The following VTI1A variants were observed in gnomAD, a reference collection of about 807,000 sequenced individuals.
The protein encoded by VTI1A is vesicle transport through interaction with t-SNAREs 1A.
Under a neutral mutation model 34.9 loss-of-function variants are expected in VTI1A, and 22 were observed. The observed-to-expected ratio is 0.63, with a 90% CI of 0.45 to 0.90. The LOEUF is 0.90. VTI1A is among the 40% of genes least tolerant of loss of function. The probability of loss-of-function intolerance (pLI) is 0.00; values close to 1 mark genes in which losing one functional copy is unlikely to be tolerated. For missense variants in VTI1A, 268 were observed against 275.6 expected (o/e 0.97, Z 0.20); for synonymous variants, 87 against 97.3 (o/e 0.89, Z 0.62).
intron 3 of VTI1A, among the ~76,000 whole-genome samples, chr10:112,503,825 T>G (rs1451715098): frequency 6.6e-6 from 1 of 152,210 alleles, no homozygotes; most frequent in African/African-American, 2.4e-5. Flanking sequence ...TGCATATATG[T>G]ATGATGTCAT....
intron 7 of VTI1A, among the ~76,000 whole-genome samples, chr10:112,762,159 C>T (rs1590162481): frequency 6.6e-6 from 1 of 152,114 alleles, no homozygotes; most frequent in Non-Finnish European, 1.5e-5. Context: ...ACTGGCATCG[C>T]GGTTACTTCA....
At chr10:112,691,285 A>G (rs1042165379) in intron 7 of VTI1A, among the ~76,000 whole-genome samples, 2 of 151,408 alleles carry the variant, frequency 1.3e-5, no homozygotes, top group Admixed American at 6.6e-5. Flanking sequence ...AAATAAATAA[A>G]TAAATAAATA....
At chr10:112,795,816 C>T (rs1852654493) in intron 7 of VTI1A, among the ~76,000 whole-genome samples, 1 of 151,926 alleles carries the variant, frequency 6.6e-6, no homozygotes, top group Non-Finnish European at 1.5e-5. Context: ...TTTAGTTTAG[C>T]ATTATTTTAA....
chr10:112,808,054 C>CA (rs1240450370), intron 7 of VTI1A, among the ~76,000 whole-genome samples: 1 of 151,050 alleles, frequency 6.6e-6, no homozygotes, highest in Non-Finnish European at 1.5e-5. Context: ...CCTGTCTTTA[C>CA]AAAAAATTTA....
At chr10:112,711,010 A>C (rs1330077125) in intron 7 of VTI1A, among the ~76,000 whole-genome samples, 2 of 152,248 alleles carry the variant, frequency 1.3e-5, no homozygotes, top group Non-Finnish European at 2.9e-5. Flanking sequence ...GAGAAGCTGA[A>C]TAGTAATAAC....
intron 7 of VTI1A, among the ~76,000 whole-genome samples, chr10:112,774,904 C>G (rs1851914953): frequency 6.6e-6 from 1 of 152,144 alleles, no homozygotes; most frequent in African/African-American, 2.4e-5. Flanking sequence ...TTTGTGTTCA[C>G]AGGAGTGTGT....
chr10:112,631,902 G>A (rs531715837), intron 5 of VTI1A, among the ~76,000 whole-genome samples: 9 of 152,166 alleles, frequency 5.9e-5, no homozygotes, highest in African/African-American at 1.7e-4. Flanking sequence ...CTTTTATTTC[G>A]CCTATTTTTG....
At chr10:112,653,435 G>A (rs1440370372) in intron 5 of VTI1A, among the ~76,000 whole-genome samples, 2 of 152,122 alleles carry the variant, frequency 1.3e-5, no homozygotes, top group East Asian at 1.9e-4. Flanking sequence ...TGCCCATGAC[G>A]TCGGCCACCT....
At chr10:112,746,223 C>T (rs972040198) in intron 7 of VTI1A, among the ~76,000 whole-genome samples, 2 of 152,212 alleles carry the variant, frequency 1.3e-5, no homozygotes, top group African/African-American at 2.4e-5. Flanking sequence ...CTCTACTCCA[C>T]CCATGTTTTA....
In VTI1A at chr10:112,744,548, G is replaced by A. The variant is rs576271535; in HGVS notation, c.561-70742G>A. Among the ~76,000 whole-genome samples the A allele has an allele frequency of 4.8e-5, 7 of 147,366 alleles. No homozygotes were observed. In the South Asian group the frequency reaches 1.1e-3, roughly 22 times the overall value. ...TAGCCTTGGCCTCTCAGGCTCAAGC[G>A]ATCTTCCCACCTCAGCCTCCCAAGT... On this transcript the variant is annotated intron_variant, in intron 7 of 7. Transcript: ENST00000393077.
At chr10:112,502,088 C>T (rs949731236) in intron 3 of VTI1A, among the ~76,000 whole-genome samples, 10 of 146,114 alleles carry the variant, frequency 6.8e-5, no homozygotes, top group African/African-American at 2.0e-4. Context: ...AGTGCAGTGG[C>T]ATGGTCACGG....
chr10:112,736,111 G>GTATATATATATATATATATATATATATA (rs372188173), intron 7 of VTI1A, among the ~76,000 whole-genome samples: 2 of 116,224 alleles, frequency 1.7e-5, no homozygotes, highest in African/African-American at 7.5e-5. Flanking sequence ...ATGTGTGTGT[G>GTATATATATATATATATATATATATATA]TATATATATA....
At chr10:112,853,559 G>C in the VTI1A span, among the ~76,000 whole-genome samples, 1 of 152,132 alleles carries the variant, frequency 6.6e-6, no homozygotes, top group Admixed American at 6.5e-5. Context: ...GTAATGGACT[G>C]TACCCACATT....
chr10:112,589,204 T>C (rs1251152532), intron 5 of VTI1A, among the ~76,000 whole-genome samples: 1 of 152,146 alleles, frequency 6.6e-6, no homozygotes, highest in African/African-American at 2.4e-5. Context: ...CCAAATCTCA[T>C]CTTGAATTGC....
intron 7 of VTI1A, among the ~76,000 whole-genome samples, chr10:112,719,793 G>A (rs1318544047): frequency 5.9e-5 from 9 of 152,196 alleles, no homozygotes; most frequent in African/African-American, 1.4e-4. Flanking sequence ...TGATCTGCCC[G>A]TCTCAGCCTC....
chr10:112,470,275 CAA>C (rs1262014337), intron 3 of VTI1A, among the ~76,000 whole-genome samples: 1 of 152,126 alleles, frequency 6.6e-6, no homozygotes, highest in African/African-American at 2.4e-5. Flanking sequence ...CTTTCCCTCT[CAA>C]GGGTTGAGTC....
chr10:112,495,184 T>C (rs1848967425), intron 3 of VTI1A, among the ~76,000 whole-genome samples: 1 of 149,352 alleles, frequency 6.7e-6, no homozygotes, highest in African/African-American at 2.5e-5. Flanking sequence ...ATGGGAAGAA[T>C]TCAGTAATGG....
chr10:112,521,941 C>T (rs775240515), intron 3 of VTI1A, among the ~76,000 whole-genome samples: 17 of 151,740 alleles, frequency 1.1e-4, no homozygotes, highest in Non-Finnish European at 2.2e-4. Context: ...CTGAAATTGT[C>T]CATGAGAAAT....
chr10:112,458,184 T>C (rs1420417706), intron 1 of VTI1A, among the ~76,000 whole-genome samples: 1 of 152,230 alleles, frequency 6.6e-6, no homozygotes, highest in Admixed American at 6.5e-5. Flanking sequence ...TGATGCTTAT[T>C]AGTCCTGGAG....
Sources: gnomAD v4.1 joint callset for allele counts (sites outside exome capture counted in the v4.1 genomes callset) on GRCh38, gnomAD v4.1.1 for gene constraint, MANE v1.5 for transcripts, NCBI Gene and HGNC (gene_info 2026-07-23, HGNC 2026-07-21) for gene names.